CHM: variants seen among roughly 807,000 people sequenced by gnomAD.
CHM encodes the protein rab proteins geranylgeranyltransferase component A 1.
A neutral mutation model predicts 49.0 loss-of-function variants in CHM; 10 were observed. The observed-to-expected ratio is 0.20, with a 90% confidence interval of 0.13 to 0.35. CHM has a LOEUF of 0.35. CHM is among the 10% of genes least tolerant of loss of function. CHM has a pLI of 1.00. For missense variants in CHM, 455 were observed against 478.4 expected (o/e 0.95, Z 0.46); for synonymous variants, 184 against 167.5 (o/e 1.10, Z -0.76).
chrX:86,044,072 G>A (rs772278465), intron 1 of CHM, among the ~76,000 whole-genome samples: 1 of 111,780 alleles, frequency 8.9e-6, no homozygotes, highest in African/African-American at 3.2e-5. Flanking sequence ...AAAGAAGGAT[G>A]CAATGAAAAG....
At chrX:85,993,133 T>C (rs1190516049) in intron 2 of CHM, among the ~76,000 whole-genome samples, 3 of 111,577 alleles carry the variant, frequency 2.7e-5, no homozygotes, top group African/African-American at 9.8e-5. Flanking sequence ...CTACTTCTAG[T>C]TGGTTGAAAA....
chrX:86,037,649 A>G (rs1162831998), intron 1 of CHM, among the ~76,000 whole-genome samples: 4 of 111,801 alleles, frequency 3.6e-5, no homozygotes, highest in Non-Finnish European at 5.6e-5. Flanking sequence ...ATGAAAGAGA[A>G]TAAGTATTCA....
rs1033457555 is a variant in CHM at position 85,863,035 on chromosome X, G to A, written c.*1595C>T. On this transcript the variant is annotated 3_prime_UTR_variant, in exon 15 of 15. Coordinates refer to ENST00000357749, the MANE Select transcript of CHM (RefSeq NM_000390.4). The stretch of plus-strand genomic sequence containing the variant: ...GTAGACCATCAGAGCTTGGCCATTT[G>A]AGAAAATTTAAATATAGGCAACATC... The A allele has an allele frequency of 9.0e-6, 1 of 111,033 alleles. No individual in the cohort carries two copies. The highest frequency in any genetic ancestry group is 3.3e-5 in the African/African-American group (1 of 30,497). 9.2% of individuals were successfully genotyped at this position (111,033 alleles called of 1,213,427 possible). A position where few individuals can be genotyped will look rare whatever the true frequency, so the allele number is the denominator to read the frequency against.
intron 12 of CHM, among the ~76,000 whole-genome samples, chrX:85,882,419 G>A (rs1179346729): frequency 9.0e-6 from 1 of 110,833 alleles, no homozygotes; most frequent in Non-Finnish European, 1.9e-5. Context: ...TAAGATTGTG[G>A]AAGATGCAAT....
chrX:85,988,086 A>AAT (rs1174237694), intron 2 of CHM, among the ~76,000 whole-genome samples: 2 of 112,342 alleles, frequency 1.8e-5, no homozygotes, highest in African/African-American at 6.5e-5. Context: ...TCCTTGATTG[A>AAT]ATATTGATGC....
At chrX:85,897,054 C>T (rs1172537732) in intron 11 of CHM, among the ~76,000 whole-genome samples, 1 of 88,581 alleles carries the variant, frequency 1.1e-5, no homozygotes, top group Non-Finnish European at 2.1e-5. Context: ...ATATATAATA[C>T]ATTACATAAT....
chrX:85,943,392 G>T (rs1180975839), intron 8 of CHM, among the ~76,000 whole-genome samples: 3 of 112,031 alleles, frequency 2.7e-5, no homozygotes, highest in African/African-American at 9.7e-5. Flanking sequence ...CTTATCGAAT[G>T]CACAAATTCA....
rs746994091 is a variant in CHM at position 85,912,765 on chromosome X, C to T, written c.1167-1427G>A. Among the ~76,000 whole-genome samples the T allele has an allele frequency of 2.7e-5, 3 of 111,283 alleles. No individual in the cohort carries two copies. The East Asian group carries it at 8.6e-4, about 32-fold the overall frequency. On this transcript the variant is annotated intron_variant, in intron 8 of 14. Transcript: ENST00000357749. ...CAGAGGCTCACACCTGTAATCCCAG[C>T]ACTTTGGGAGGCCGAGGCAGGCGGA... is the stretch of plus-strand genomic sequence containing the variant.
In CHM at chrX:85,901,124, T is replaced by C; in HGVS notation, c.1309A>G (p.Ser437Gly). The C allele has an allele frequency of 8.3e-7, 1 of 1,205,335 alleles. No individual in the cohort carries two copies. The highest frequency in any genetic ancestry group is 1.1e-6 in the Non-Finnish European group (1 of 891,510). ...GAGCACATGTTCTCAGGAAAGTAAC[T>C]GTCCTCCACGAGGAAATGCTCAGAG... ...IISEHFLVED[S>G]YFPENMCSRV... The change falls in exon 10 of 15, where the codon AGT (serine) becomes GGT (glycine). Residue 437 changes from serine to glycine, a missense_variant. Physicochemically the swap from Ser to Gly is moderately conservative, Grantham distance 56. Coordinates refer to ENST00000357749, the MANE Select transcript of CHM (RefSeq NM_000390.4).
chrX:86,030,931 C>CT (rs778938856), intron 1 of CHM, among the ~76,000 whole-genome samples: 11 of 106,432 alleles, frequency 1.0e-4, no homozygotes, highest in South Asian at 4.1e-4. Flanking sequence ...TACTTCATTA[C>CT]TTTTTTTTTT....
chrX:86,015,976 T>C (rs999079090), intron 2 of CHM, among the ~76,000 whole-genome samples: 33 of 109,825 alleles, frequency 3.0e-4, no homozygotes, highest in African/African-American at 1.0e-3. Context: ...CTACTGAAAA[T>C]ACAAAAATTG....
At chrX:85,930,313 C>T (rs1459334149) in intron 8 of CHM, among the ~76,000 whole-genome samples, 1 of 110,761 alleles carries the variant, frequency 9.0e-6, no homozygotes, top group Non-Finnish European at 1.9e-5. Context: ...ACCAAGAGTA[C>T]GTACTTGCAA....
rs1356613353 is a variant in CHM, at chrX:85,862,002, G to A, written c.*2628C>T. The A allele has an allele frequency of 8.9e-6, 1 of 111,969 alleles. No homozygotes were observed. Among genetic ancestry groups the A allele is most frequent in the Non-Finnish European group, 1.9e-5 (1 of 53,155 alleles). The allele number at this position is 111,969 out of a possible 1,213,427, so 9.2% of individuals were successfully genotyped here. Reference sequence around the variant, plus strand: ...AGTAATTAGGATAGCTAAAATCAAAGCTCTAAGAATAATTTCTGTTACATT... The same window carrying A: ...AGTAATTAGGATAGCTAAAATCAAAACTCTAAGAATAATTTCTGTTACATT... On this transcript the variant is annotated 3_prime_UTR_variant, in exon 15 of 15. Transcript: ENST00000357749.
intron 2 of CHM, among the ~76,000 whole-genome samples, chrX:85,990,981 T>G (rs1932159636): frequency 8.9e-6 from 1 of 111,874 alleles, no homozygotes; most frequent in African/African-American, 3.2e-5. Context: ...TCAAGCATAT[T>G]CATCTGGGAA....
At chrX:85,994,814 A>T (rs1268642290) in intron 2 of CHM, among the ~76,000 whole-genome samples, 1 of 111,702 alleles carries the variant, frequency 9.0e-6, no homozygotes, top group Non-Finnish European at 1.9e-5. Context: ...AATATAAGAG[A>T]AAAAGCTTTC....
intron 11 of CHM, among the ~76,000 whole-genome samples, chrX:85,899,159 T>C (rs1031704335): frequency 1.8e-5 from 2 of 111,489 alleles, no homozygotes; most frequent in Non-Finnish European, 3.8e-5. Flanking sequence ...TCAATCACTA[T>C]AAAATATGGT....
chrX:85,872,280 A>C (rs1446911837), intron 14 of CHM, among the ~76,000 whole-genome samples: 1 of 112,247 alleles, frequency 8.9e-6, no homozygotes, highest in Non-Finnish European at 1.9e-5. Context: ...CAGATGTGCC[A>C]GTTCTACCCG....
chrX:85,961,418 CA>C (rs1204463688), intron 5 of CHM, among the ~76,000 whole-genome samples: 658 of 24,343 alleles, frequency 0.027, no homozygotes, highest in East Asian at 0.078. Flanking sequence ...GACTCTGTCT[CA>C]AAAAAAAAAA....
intron 2 of CHM, among the ~76,000 whole-genome samples, chrX:85,990,731 T>A (rs1226620771): frequency 9.0e-6 from 1 of 111,647 alleles, no homozygotes; most frequent in Non-Finnish European, 1.9e-5. Flanking sequence ...AGAAAAGCAA[T>A]ACTACAGGTA....
Sources: allele counts gnomAD v4.1 joint callset (sites outside exome capture counted in the v4.1 genomes callset), GRCh38; gene constraint gnomAD v4.1.1; transcripts MANE v1.5; gene names NCBI Gene and HGNC (gene_info 2026-07-23, HGNC 2026-07-21).